Variants in SCN1A observed in about 807,000 individuals in gnomAD.
The protein encoded by SCN1A is sodium channel protein type 1 subunit alpha.
Under a neutral mutation model 193.7 loss-of-function variants are expected in SCN1A, and 13 were observed. That is an observed-to-expected ratio of 0.07 (90% confidence interval 0.04 to 0.11). The LOEUF (loss-of-function observed/expected upper bound fraction) is 0.11. Ranked by LOEUF, SCN1A falls within the 10% of genes least tolerant of loss-of-function variation. The pLI is 1.00. For synonymous variants in SCN1A, 781 were observed against 843.6 expected, an observed-to-expected ratio of 0.93 and a Z score of 1.29; for missense variants, 1,432 against 2,451.1, an observed-to-expected ratio of 0.58 and a Z score of 8.78.
chr2:166,031,756 C>A (rs1031246417), intron 19 of SCN1A, among the ~76,000 whole-genome samples: 1 of 152,012 alleles, frequency 6.6e-6, no homozygotes, highest in East Asian at 1.9e-4. Flanking sequence ...AGGCACTGTG[C>A]TAAGTACTTC....
intron 12 of SCN1A, among the ~76,000 whole-genome samples, chr2:166,045,972 G>A (rs1447277312): frequency 6.6e-6 from 1 of 152,142 alleles, no homozygotes; most frequent in Non-Finnish European, 1.5e-5. Context: ...AGGGGCACAT[G>A]GGCATGGAAT....
chr2:166,073,127 C>T (rs911843728), intron 4 of SCN1A, among the ~76,000 whole-genome samples: 2 of 151,930 alleles, frequency 1.3e-5, no homozygotes, highest in African/African-American at 2.4e-5. Flanking sequence ...CTTGAGCCAC[C>T]GCACCTGGCC....
chr2:166,015,952 A>T (rs913627367), intron 19 of SCN1A: 1 of 516,592 alleles, frequency 1.9e-6, no homozygotes, highest in Non-Finnish European at 3.4e-6. Context: ...TTGCTATGTT[A>T]TGAGGTTACA....
rs190648794 is a variant in SCN1A at position 165,992,538 on chromosome 2, T to C, written c.4853-116A>G. 2 of 824,036 alleles carry C rather than the reference T, an allele frequency of 2.4e-6. No individual in the cohort carries two copies. Among genetic ancestry groups the C allele is most frequent in the African/African-American group, 1.7e-5 (1 of 58,194 alleles). 51.0% of individuals were successfully genotyped at this position (824,036 alleles called of 1,614,324 possible). On this transcript the variant is annotated intron_variant, in intron 28 of 28. Transcript: ENST00000674923. This position sits in a 1 kb window ranked among gnomAD's most constrained non-coding sequence, Gnocchi z 6.5. ...GAGTCCTGAACCCAGTTATATTAAA[T>C]ATGACAACTATATATAATATATATA... is the stretch of plus-strand genomic sequence containing the variant.
intron 2 of SCN1A, among the ~76,000 whole-genome samples, chr2:166,102,940 C>T (rs1485437055): frequency 1.3e-5 from 2 of 152,080 alleles, no homozygotes. Context: ...AACAAAGTTT[C>T]AGTAATATTC....
At chr2:166,049,119 T>C (rs142845853) in intron 9 of SCN1A, among the ~76,000 whole-genome samples, 170 bp from the exon 10 acceptor site, 28 of 151,978 alleles carry the variant, frequency 1.8e-4, no homozygotes, top group African/African-American at 6.5e-4. Flanking sequence ...AGATATTCTA[T>C]TAGATACTTT....
intron 4 of SCN1A, among the ~76,000 whole-genome samples, chr2:166,064,281 GGTAAT>G (rs759690507): frequency 6.6e-6 from 1 of 152,104 alleles, no homozygotes; most frequent in Non-Finnish European, 1.5e-5. Flanking sequence ...AGCTCATAGA[GGTAAT>G]GTGATTCCAA....
intron 19 of SCN1A, among the ~76,000 whole-genome samples, chr2:166,021,087 G>T (rs559158806): frequency 4.9e-4 from 74 of 152,114 alleles, no homozygotes; most frequent in Non-Finnish European, 7.5e-4. Context: ...GCTCTACTTC[G>T]CAAGTCAGCA....
At position 165,992,616 on chromosome 2, in the gene SCN1A, C is replaced by A; in HGVS notation, c.4853-194G>T. 3.5e-6 allele frequency: 1 copy of A among 282,180 alleles called. No homozygotes were observed. 17.5% of individuals were successfully genotyped at this position (282,180 alleles called of 1,614,324 possible). A position where few individuals can be genotyped will look rare whatever the true frequency, so the allele number is the denominator to read the frequency against. On this transcript the variant is annotated intron_variant, in intron 28 of 28. Coordinates refer to ENST00000674923, the MANE Select transcript of SCN1A (RefSeq NM_001165963.4). The surrounding 1 kb of genome is among the most constrained non-coding windows in gnomAD (Gnocchi z 6.5). ...TAATTTTGAAATTCAGCAATAATTT[C>A]AATTATAAGGATTATAGTACTTTTT... is the stretch of plus-strand genomic sequence containing the variant.
chr2:166,041,479 G>T lies in SCN1A; in HGVS notation c.2177-10C>A, dbSNP rs199507113. ...CTGGATTCTTCAAGTTCTAGATTAA[G>T]AAAAAAAAAAAAAAGAACCACCAAA... On this transcript the variant is annotated splice_polypyrimidine_tract_variant and intron_variant, in intron 15 of 28. Coordinates refer to ENST00000674923, the MANE Select transcript of SCN1A (RefSeq NM_001165963.4). 4.4e-6 allele frequency: 5 copies of T among 1,133,910 alleles called. No homozygotes were observed. Among genetic ancestry groups the T allele is most frequent in the Non-Finnish European group, 6.3e-6 (5 of 791,858 alleles). 70.2% of individuals were successfully genotyped at this position (1,133,910 alleles called of 1,614,324 possible).
At chr2:166,066,410 T>C (rs1199380826) in intron 4 of SCN1A, among the ~76,000 whole-genome samples, 1 of 152,142 alleles carries the variant, frequency 6.6e-6, no homozygotes, top group African/African-American at 2.4e-5. Context: ...TCCATCTCAA[T>C]GGAGAAGATT....
chr2:166,047,826 A>C, intron 10 of SCN1A, 58 bp from the exon 11 acceptor site: 2 of 1,604,202 alleles, frequency 1.2e-6, no homozygotes, highest in Non-Finnish European at 1.7e-6. Context: ...TTACTCTGAT[A>C]CTATGCTATG....
intron 19 of SCN1A, among the ~76,000 whole-genome samples, chr2:166,021,624 T>C (rs1559163624): frequency 6.6e-6 from 1 of 152,186 alleles, no homozygotes; most frequent in Non-Finnish European, 1.5e-5. Flanking sequence ...GGCATTAAGC[T>C]TAAACACATA....
At chr2:166,107,129 A>G (rs932703950) in intron 2 of SCN1A, among the ~76,000 whole-genome samples, 4 of 152,196 alleles carry the variant, frequency 2.6e-5, no homozygotes, top group Non-Finnish European at 4.4e-5. Flanking sequence ...TTGCTGTCAT[A>G]TAGGCTGTTG....
At position 166,043,911 on chromosome 2, in the gene SCN1A, T is replaced by C. The variant is rs1697474227; in HGVS notation, c.1801A>G (p.Asn601Asp). 1.2e-6 allele frequency: 2 copies of C among 1,614,170 alleles called. No individual in the cohort carries two copies. The highest frequency in any genetic ancestry group is 1.7e-6 in the Non-Finnish European group (2 of 1,180,020). The stretch of plus-strand genomic sequence containing the variant: ...AACAAGGAATCTCTACGGCTCTCGT[T>C]ATCCTCAAAGGTGCTGTGCTCATCA... ...ADDEHSTFED[N>D]ESRRDSLFVP... The change falls in exon 14 of 29, where the codon AAC (asparagine) becomes GAC (aspartate). Residue 601 changes from asparagine to aspartate, a missense_variant. Asn to Asp is a conservative substitution (Grantham distance 23). Coordinates refer to ENST00000674923, the MANE Select transcript of SCN1A (RefSeq NM_001165963.4).
intron 5 of SCN1A, among the ~76,000 whole-genome samples, chr2:166,056,901 G>A (rs1699189484): frequency 6.8e-6 from 1 of 147,514 alleles, no homozygotes; most frequent in South Asian, 2.2e-4. Context: ...GTAAATTGTT[G>A]AGGAAGGCCA....
chr2:166,075,386 C>T (rs904840907), intron 3 of SCN1A: 9 of 151,888 alleles, frequency 5.9e-5, no homozygotes, highest in Admixed American at 2.0e-4. Flanking sequence ...TGTATGTATA[C>T]ATATTCTATT....
At chr2:166,134,864 T>A (rs941026110) in intron 1 of SCN1A, among the ~76,000 whole-genome samples, 1 of 152,174 alleles carries the variant, frequency 6.6e-6, no homozygotes, top group Non-Finnish European at 1.5e-5. Flanking sequence ...AAAGCTTTGG[T>A]TCTTCAGAAA....
rs74619084 is a variant in SCN1A at position 166,037,019 on chromosome 2, A to G, written c.2947-489T>C. 7.2e-3 allele frequency among the ~76,000 whole-genome samples: 1,096 copies of G among 152,304 alleles called. 15 individuals carry two copies. The highest frequency in any genetic ancestry group is 0.025 in the African/African-American group (1,042 of 41,576). ...CTGACACTTGTTTTCTTAATCTATTATATTTCTCATACTTCATTGTTGACT... is the reference window on the plus strand; with the variant it reads ...CTGACACTTGTTTTCTTAATCTATTGTATTTCTCATACTTCATTGTTGACT... On this transcript the variant is annotated intron_variant, in intron 18 of 28. Transcript: ENST00000674923.
Sources: gnomAD v4.1 joint callset for allele counts (sites outside exome capture counted in the v4.1 genomes callset) on GRCh38, gnomAD v4.1.1 for gene constraint, Gnocchi (gnomAD v3.1) non-coding constraint, MANE v1.5 for transcripts, NCBI Gene and HGNC (gene_info 2026-07-23, HGNC 2026-07-21) for gene names.